AQP7: variants seen among roughly 807,000 people sequenced by gnomAD.
AQP7 encodes the protein aquaporin 7.
AQP7 carries 22 observed loss-of-function variants against 26.1 expected under a neutral mutation model. The ratio of observed to expected loss-of-function variants is 0.84; its 90% CI spans 0.60 to 1.20. AQP7 has a LOEUF of 1.20. AQP7 is among the 50% of genes most tolerant of loss of function. The pLI, the probability that AQP7 is intolerant of heterozygous loss-of-function variation, is 0.00. For synonymous variants in AQP7, 167 were observed against 181.7 expected, an observed-to-expected ratio of 0.92 and a Z score of 0.65; for missense variants, 412 against 457.5, an observed-to-expected ratio of 0.90 and a Z score of 0.91.
intron 2 of AQP7, among the ~76,000 whole-genome samples, chr9:33,400,188 T>C (rs1826157935): frequency 2.0e-5 from 3 of 152,086 alleles, no homozygotes; most frequent in African/African-American, 7.2e-5. Flanking sequence ...AACAGGCAAA[T>C]ATCCCTGCTT....
At chr9:33,388,065 C>G (rs1045421323) in intron 3 of AQP7, among the ~76,000 whole-genome samples, 1 of 152,166 alleles carries the variant, frequency 6.6e-6, no homozygotes, top group African/African-American at 2.4e-5. Flanking sequence ...TCCTGATTTT[C>G]CAAAGGTCTT....
chr9:33,391,703 T>C (rs1289575171), intron 3 of AQP7: 5 of 153,766 alleles, frequency 3.3e-5, no homozygotes, highest in Admixed American at 2.6e-4. Flanking sequence ...TGTATATATA[T>C]ATAAAAACAA....
intron 3 of AQP7, among the ~76,000 whole-genome samples, chr9:33,391,215 G>C (rs1375567862): frequency 6.6e-6 from 1 of 152,218 alleles, no homozygotes; most frequent in East Asian, 1.9e-4. Context: ...CCAGCGCACA[G>C]GTTTTGTTTA....
chr9:33,393,724 AAAG>A (rs1378296952), intron 3 of AQP7: 2 of 152,236 alleles, frequency 1.3e-5, no homozygotes, highest in Non-Finnish European at 2.9e-5. Context: ...ATCACACACT[AAAG>A]AAGAGCCCTT....
intron 2 of AQP7, among the ~76,000 whole-genome samples, chr9:33,398,120 G>A (rs113552311): frequency 3.9e-5 from 6 of 151,988 alleles, no homozygotes; most frequent in African/African-American, 1.5e-4. Flanking sequence ...CCAGAGAAAG[G>A]GAAATTTAGG....
At chr9:33,399,222 A>G (rs1826070204) in intron 2 of AQP7, among the ~76,000 whole-genome samples, 2 of 152,132 alleles carry the variant, frequency 1.3e-5, no homozygotes, top group Admixed American at 6.5e-5. Context: ...TTAATTATCT[A>G]ATCAACCAGC....
Position 33,387,078 on chromosome 9 carries a change from A to G in AQP7, c.159T>C (p.Gly53=). 1 of 1,611,846 alleles carries G rather than the reference A, an allele frequency of 6.2e-7. No homozygotes were observed. The stretch of plus-strand genomic sequence containing the variant: ...TATTTAGAACCATATGGGCCACGGA[A>G]CCAAGGCCGAATACCTACAAGGGAG... ...STYVMMVFGL[G]SVAHMVLNKK... Residue 53 remains glycine, a synonymous_variant, in exon 4 of 8, where the codon GGT becomes GGC. Coordinates refer to ENST00000297988, the MANE Select transcript of AQP7 (RefSeq NM_001170.3).
Position 33,385,692 on chromosome 9 carries a change from G to T in AQP7, c.700C>A (p.Arg234Ser), listed in dbSNP as rs139024279. 2.7e-5 allele frequency: 43 copies of T among 1,613,622 alleles called. No individual in the cohort carries two copies. The highest frequency in any genetic ancestry group is 3.1e-5 in the Non-Finnish European group (36 of 1,179,990). ...CAACCAGCAATGAAGGTGAAGATGC[G>T]GGGGGGCAGGTCCCGGGACGGGTTG... is the stretch of plus-strand genomic sequence containing the variant. ...AINPSRDLPP[R>S]IFTFIAGWGK... The change falls in exon 7 of 8, where the codon CGC becomes AGC. Residue 234 changes from arginine (R) to serine (S), a missense_variant. Physicochemically the swap from Arg to Ser is moderately radical, Grantham distance 110 (BLOSUM62 -1). Coordinates refer to ENST00000297988, the MANE Select transcript of AQP7 (RefSeq NM_001170.3).
intron 4 of AQP7, 120 bp from the exon 5 acceptor site, chr9:33,386,661 T>C: frequency 7.3e-7 from 1 of 1,364,668 alleles, no homozygotes. Flanking sequence ...AGCTCTCTCC[T>C]TGAGCCCTCA....
In AQP7 at chr9:33,383,756, C is replaced by T. The variant is rs1039543003; in HGVS notation, c.*1249G>A. On this transcript the variant is annotated 3_prime_UTR_variant, in exon 8 of 8. Coordinates refer to ENST00000297988, the MANE Select transcript of AQP7 (RefSeq NM_001170.3). Reference sequence around the variant, plus strand: ...AGCCTCCTCTGCCCATCCCCTCAAACTGTAAAGTGCAGCTCCCACCCCCAA... The same window carrying T: ...AGCCTCCTCTGCCCATCCCCTCAAATTGTAAAGTGCAGCTCCCACCCCCAA... The T allele has an allele frequency of 2.6e-5, 4 of 152,526 alleles. No individual in the cohort carries two copies. Among genetic ancestry groups the T allele is most frequent in the Non-Finnish European group, 4.4e-5 (3 of 68,344 alleles). The allele number at this position is 152,526 out of a possible 1,614,324, so 9.4% of individuals were successfully genotyped here. A position where few individuals can be genotyped will look rare whatever the true frequency, so the allele number is the denominator to read the frequency against.
At chr9:33,395,564 G>A in intron 2 of AQP7, 1 of 256,320 alleles carries the variant, frequency 3.9e-6, no homozygotes, top group South Asian at 5.3e-5. Flanking sequence ...GAGCTCAGTT[G>A]TCTATGTCTG....
intron 4 of AQP7, 80 bp from the exon 5 acceptor site, chr9:33,386,621 T>A: frequency 6.6e-7 from 1 of 1,507,960 alleles, no homozygotes; most frequent in East Asian, 2.4e-5. Context: ...CAACGATGGC[T>A]AGTGTGTATG....
chr9:33,384,698 C>A lies in AQP7; in HGVS notation c.*307G>T. ...CCAACCAGTCAGCTACGGTCTGTTC[C>A]CCAAAACCACCCTTCCTTCCCCCGT... is the stretch of plus-strand genomic sequence containing the variant. On this transcript the variant is annotated 3_prime_UTR_variant, in exon 8 of 8. Coordinates refer to ENST00000297988, the MANE Select transcript of AQP7 (RefSeq NM_001170.3). 3.6e-6 allele frequency: 1 copy of A among 280,736 alleles called. No individual in the cohort carries two copies. The highest frequency in any genetic ancestry group is 6.6e-6 in the Non-Finnish European group (1 of 150,412). 17.4% of individuals were successfully genotyped at this position (280,736 alleles called of 1,614,324 possible). A position where few individuals can be genotyped will look rare whatever the true frequency, so the allele number is the denominator to read the frequency against.
intron 2 of AQP7, among the ~76,000 whole-genome samples, chr9:33,398,494 GATGGCAGCGCCA>G (rs1415780851): frequency 2.0e-5 from 3 of 152,380 alleles, no homozygotes; most frequent in African/African-American, 7.2e-5. Context: ...GAGCCACAGA[GATGGCAGCGCCA>G]ATGGCCAAAA....
chr9:33,392,479 A>G (rs1825498237), intron 3 of AQP7, among the ~76,000 whole-genome samples: 1 of 152,058 alleles, frequency 6.6e-6, no homozygotes, highest in Non-Finnish European at 1.5e-5. Flanking sequence ...GCTGCACGTA[A>G]GGGGCTTAGC....
At position 33,385,285 on chromosome 9, in the gene AQP7, C is replaced by T. The variant is rs773244652; in HGVS notation, c.749G>A (p.Gly250Glu). ...AGWGKQVFSN[G>E]ENWWWVPVVA... ...CACTGGCACCCACCACCAGTTCTCC[C>T]CATTGCTGCAGGCAAGAGGCAGAGG... The change falls in exon 8 of 8, where the codon GGG becomes GAG. Residue 250 changes from glycine to glutamate, a missense_variant. Gly to Glu is a moderately conservative substitution (Grantham distance 98). Coordinates refer to ENST00000297988, the MANE Select transcript of AQP7 (RefSeq NM_001170.3). 1.2e-6 allele frequency: 2 copies of T among 1,609,280 alleles called. No individual in the cohort carries two copies. Among genetic ancestry groups the T allele is most frequent in the Admixed American group, 3.3e-5 (2 of 59,890 alleles).
rs1439247147 is a variant in AQP7 at position 33,384,409 on chromosome 9, G to A, written c.*596C>T. ...AAAAAAAAATCTTACTCTTTTTTATGTATAAAGCACAGAACATATACAGAA... is the reference window on the plus strand; with the variant it reads ...AAAAAAAAATCTTACTCTTTTTTATATATAAAGCACAGAACATATACAGAA... On this transcript the variant is annotated 3_prime_UTR_variant, in exon 8 of 8. Coordinates refer to ENST00000297988, the MANE Select transcript of AQP7 (RefSeq NM_001170.3). 1 of 151,968 alleles carries A rather than the reference G, an allele frequency of 6.6e-6. No homozygotes were observed. Among genetic ancestry groups the A allele is most frequent in the Non-Finnish European group, 1.5e-5 (1 of 68,022 alleles). The allele number at this position is 151,968 out of a possible 1,614,324, so 9.4% of individuals were successfully genotyped here. A position where few individuals can be genotyped will look rare whatever the true frequency, so the allele number is the denominator to read the frequency against.
Position 33,386,503 on chromosome 9 carries a change from C to T in AQP7, c.307G>A (p.Ala103Thr), listed in dbSNP as rs1256940846. 2 of 1,612,556 alleles carry T rather than the reference C, an allele frequency of 1.2e-6. No individual in the cohort carries two copies. The highest frequency in any genetic ancestry group is 1.7e-4 in the Middle Eastern group (1 of 6,052). ...MNAAVTFANC[A>T]LGRVPWRKFP... ...TTCCTCCAGGGCACGCGGCCCAGCG[C>T]ACAGTTAGCAAAGGTCACAGCTGCG... Residue 103 changes from alanine to threonine, a missense_variant, in exon 5 of 8, where the codon GCG (alanine) becomes ACG (threonine). Coordinates refer to ENST00000297988, the MANE Select transcript of AQP7 (RefSeq NM_001170.3).
At position 33,386,389 on chromosome 9, in the gene AQP7, G is replaced by A. The variant is rs77429065; in HGVS notation, c.406+15C>T. ...CGGCTGAGGCCAGAGGCGGACACCC[G>A]GGCAGGATACTCACTGTAGAAGAGA... On this transcript the variant is annotated intron_variant, in intron 5 of 7. Transcript: ENST00000297988. The A allele has an allele frequency of 2.0e-5, 33 of 1,610,118 alleles. No individual in the cohort carries two copies. Among genetic ancestry groups the A allele is most frequent in the Non-Finnish European group, 2.5e-5 (30 of 1,178,610 alleles).
Sources: gnomAD v4.1 joint callset for allele counts (sites outside exome capture counted in the v4.1 genomes callset) on GRCh38, gnomAD v4.1.1 for gene constraint, MANE v1.5 for transcripts, NCBI Gene and HGNC (gene_info 2026-07-23, HGNC 2026-07-21) for gene names.